The following KAZN variants were observed in gnomAD, a reference collection of about 807,000 sequenced individuals.
KAZN encodes kazrin.
Under a neutral mutation model 87.4 loss-of-function variants are expected in KAZN, and 40 were observed. That is an observed-to-expected ratio of 0.46 (90% CI 0.36 to 0.60). KAZN has a LOEUF of 0.60. Among genes scored for constraint, KAZN ranks in the 20% least tolerant of loss-of-function variants. The probability of loss-of-function intolerance (pLI) is 0.00; values close to 1 mark genes in which losing one functional copy is unlikely to be tolerated. For missense variants in KAZN, 898 were observed against 1,073.9 expected, an observed-to-expected ratio of 0.84 and a Z score of 2.29; for synonymous variants, 466 against 458.3, an observed-to-expected ratio of 1.02 and a Z score of -0.22.
At chr1:14,165,052 CTTAAA>C (rs111854400) in intron 1 of KAZN, among the ~76,000 whole-genome samples, 42,161 of 151,860 alleles carry the variant, frequency 0.28, 6,195 homozygotes, top group South Asian at 0.38. Context: ...CATTTTTCCT[CTTAAA>C]TTTTCTATCT....
intron 1 of KAZN, among the ~76,000 whole-genome samples, chr1:14,165,370 A>G (rs1203071518): frequency 6.6e-6 from 1 of 152,112 alleles, no homozygotes; most frequent in Non-Finnish European, 1.5e-5. Flanking sequence ...TGTTAAAAGC[A>G]GGAATGACAA....
At chr1:13,982,660 C>T (rs1255349208) in intron 1 of KAZN, among the ~76,000 whole-genome samples, 3 of 152,104 alleles carry the variant, frequency 2.0e-5, no homozygotes, top group Admixed American at 6.5e-5. Context: ...CTGATTGGTG[C>T]GTTTACAATC....
At position 14,181,462 on chromosome 1, in the gene KAZN, G is replaced by A. The variant is rs1273670128; in HGVS notation, c.249+870G>A. ...GTTTCTTTGCTTTTGTTTCTACGCT[G>A]GTAGTGGTTTATGTTTTATTTTTAA... is the stretch of plus-strand genomic sequence containing the variant. On this transcript the variant is annotated intron_variant, in intron 2 of 16. Transcript: ENST00000636203. 3.9e-5 allele frequency among the ~76,000 whole-genome samples: 6 copies of A among 152,208 alleles called. No homozygotes were observed. The East Asian group carries it at 1.2e-3, about 29-fold the overall frequency.
intron 2 of KAZN, among the ~76,000 whole-genome samples, chr1:14,552,365 C>T (rs1009460052): frequency 2.0e-5 from 3 of 152,330 alleles, no homozygotes; most frequent in South Asian, 4.1e-4. Context: ...GGCTGGGAGC[C>T]GCCTGCAGGG....
rs182880695 is a variant in KAZN, at chr1:14,945,552, C to T, written c.227-15132C>T. ...GTCCTCCCTCCCTGCCCCCTCCCCC[C>T]ACCCCGGCTGGCTCCCCGGCCCGGC... On this transcript the variant is annotated intron_variant, in intron 1 of 14. Coordinates refer to ENST00000376030, the MANE Select transcript of KAZN (RefSeq NM_201628.3). 4.1e-3 allele frequency among the ~76,000 whole-genome samples: 631 copies of T among 152,332 alleles called. 4 individuals carry two copies. The highest frequency in any genetic ancestry group is 0.014 in the African/African-American group (589 of 41,582).
chr1:15,103,840 A>G (rs987772073), intron 12 of KAZN, among the ~76,000 whole-genome samples, 183 bp from the exon 13 acceptor site: 1 of 152,156 alleles, frequency 6.6e-6, no homozygotes, highest in Non-Finnish European at 1.5e-5. Flanking sequence ...TCTCAGTAAC[A>G]GGAGGTCCCT....
intron 1 of KAZN, among the ~76,000 whole-genome samples, chr1:14,734,813 A>G (rs1209569103): frequency 2.0e-5 from 3 of 152,232 alleles, no homozygotes; most frequent in Admixed American, 6.5e-5. Flanking sequence ...CTTCCAGGGC[A>G]CACCAGTCTC....
chr1:14,976,470 C>T (rs1665632411), intron 2 of KAZN, among the ~76,000 whole-genome samples: 1 of 152,216 alleles, frequency 6.6e-6, no homozygotes, highest in South Asian at 2.1e-4. Context: ...AGGCCCTGGA[C>T]CATGACGACC....
chr1:14,494,074 G>A (rs532176299), intron 2 of KAZN, among the ~76,000 whole-genome samples: 26 of 152,226 alleles, frequency 1.7e-4, no homozygotes, highest in Non-Finnish European at 2.1e-4. Flanking sequence ...TCAGAAGCAC[G>A]TATTTCCCCT....
intron 2 of KAZN, among the ~76,000 whole-genome samples, chr1:14,436,891 CCTT>C (rs1666430346): frequency 6.6e-6 from 1 of 152,094 alleles, no homozygotes; most frequent in Admixed American, 6.5e-5. Flanking sequence ...GATTCCAAAG[CCTT>C]CTTCTCAAGA....
chr1:14,452,481 G>A (rs1327066934), intron 2 of KAZN, among the ~76,000 whole-genome samples: 3 of 152,194 alleles, frequency 2.0e-5, no homozygotes, highest in African/African-American at 4.8e-5. Context: ...AATCTGGGCT[G>A]CAAGGACAGG....
At chr1:14,183,496 G>A (rs747564002) in intron 2 of KAZN, among the ~76,000 whole-genome samples, 2 of 152,026 alleles carry the variant, frequency 1.3e-5, no homozygotes, top group African/African-American at 2.4e-5. Context: ...CATTCAGATC[G>A]CATTTGAAAC....
At chr1:13,972,425 T>C (rs1642173378) in intron 1 of KAZN, among the ~76,000 whole-genome samples, 1 of 152,076 alleles carries the variant, frequency 6.6e-6, no homozygotes, top group African/African-American at 2.4e-5. Context: ...CAGCATCTTG[T>C]GGGATGGAAA....
At chr1:14,958,121 A>T (rs148676923) in intron 1 of KAZN, among the ~76,000 whole-genome samples, 27 of 152,204 alleles carry the variant, frequency 1.8e-4, no homozygotes, top group African/African-American at 6.5e-4. Context: ...CCTCCCCTGG[A>T]CCTGGCTCTG....
intron 2 of KAZN, among the ~76,000 whole-genome samples, chr1:14,553,110 C>T (rs1334926119): frequency 6.6e-6 from 1 of 152,220 alleles, no homozygotes; most frequent in Non-Finnish European, 1.5e-5. Flanking sequence ...CACGTTGGCT[C>T]ATGCCTGTAG....
At chr1:13,994,495 G>A (rs1330207515) in intron 1 of KAZN, among the ~76,000 whole-genome samples, 1 of 152,222 alleles carries the variant, frequency 6.6e-6, no homozygotes, top group African/African-American at 2.4e-5. Flanking sequence ...AGTTGCTGAA[G>A]TTTGTGTGTT....
At chr1:14,086,212 T>G (rs570846607) in intron 1 of KAZN, among the ~76,000 whole-genome samples, 1 of 152,352 alleles carries the variant, frequency 6.6e-6, no homozygotes, top group Non-Finnish European at 1.5e-5. Flanking sequence ...TTATTTTAAG[T>G]TCTGGGGTAC....
chr1:15,009,368 C>T (rs1440967485), intron 2 of KAZN, among the ~76,000 whole-genome samples: 1 of 152,228 alleles, frequency 6.6e-6, no homozygotes, highest in Non-Finnish European at 1.5e-5. Context: ...AGGTAAGCGC[C>T]ATCCCAGCTC....
At chr1:14,399,059 T>A (rs1396948739) in intron 2 of KAZN, among the ~76,000 whole-genome samples, 1 of 152,178 alleles carries the variant, frequency 6.6e-6, no homozygotes, top group African/African-American at 2.4e-5. Context: ...AGAGTCTCAC[T>A]CTGTCACCCA....
Sources: gnomAD v4.1 joint callset for allele counts (sites outside exome capture counted in the v4.1 genomes callset) on GRCh38, gnomAD v4.1.1 for gene constraint, MANE v1.5 for transcripts, NCBI Gene and HGNC (gene_info 2026-07-23, HGNC 2026-07-21) for gene names.